Variants in UGGT2 observed in about 807,000 individuals in gnomAD.
The protein encoded by UGGT2 is UDP-glucose glycoprotein glucosyltransferase 2.
In UGGT2, 180 loss-of-function variants were observed where a neutral mutation model predicts 192.1. The ratio of observed to expected loss-of-function variants is 0.94; its 90% CI spans 0.83 to 1.06. The LOEUF (loss-of-function observed/expected upper bound fraction) is 1.06. Ranked by LOEUF, UGGT2 falls within the 50% of genes least tolerant of loss-of-function variation. UGGT2 has a pLI of 0.00. For synonymous variants in UGGT2, 580 were observed against 591.0 expected (o/e 0.98, Z 0.27); for missense variants, 1,849 against 1,795.7 (o/e 1.03, Z -0.54).
intron 24 of UGGT2, among the ~76,000 whole-genome samples, chr13:95,894,033 AT>A (rs2047878705): frequency 1.3e-5 from 2 of 151,984 alleles, no homozygotes; most frequent in East Asian, 3.9e-4. Context: ...AGCAGCAGCA[AT>A]TTTGCAGCTC....
At chr13:95,990,164 A>G (rs753412936) in intron 7 of UGGT2, 91 bp from the exon 8 acceptor site, 7 of 660,454 alleles carry the variant, frequency 1.1e-5, no homozygotes, top group Non-Finnish European at 1.7e-5. Flanking sequence ...TATTCCATGT[A>G]ATTAGACATA....
intron 38 of UGGT2, among the ~76,000 whole-genome samples, chr13:95,810,643 T>A (rs1008220385): frequency 1.3e-5 from 2 of 152,202 alleles, no homozygotes; most frequent in African/African-American, 4.8e-5. Flanking sequence ...TTTTCCAATA[T>A]GTTTGTTGAA....
intron 12 of UGGT2, among the ~76,000 whole-genome samples, chr13:95,957,570 G>C (rs1442879479): frequency 6.6e-6 from 1 of 152,204 alleles, no homozygotes; most frequent in Non-Finnish European, 1.5e-5. Flanking sequence ...GAATCTGAGA[G>C]ACAACTCAGG....
intron 10 of UGGT2, 142 bp downstream of exon 10, chr13:95,983,662 T>C: frequency 4.3e-6 from 3 of 705,074 alleles, no homozygotes; most frequent in Non-Finnish European, 7.5e-6. Context: ...GTCCACAGTA[T>C]AAAAATAGAA....
Position 95,940,004 on chromosome 13 carries a change from T to C in UGGT2, c.1765A>G (p.Ile589Val). Reference protein sequence around the residue: ...VLQNTFPHANIWDILGIHSKY... With the variant: ...VLQNTFPHANVWDILGIHSKY... ...GAATGAATTCCCAAAATATCCCAAA[T>C]ATTAGCATGAGGAAATGTATTTTGG... The change falls in exon 16 of 39, where the codon ATT (isoleucine) becomes GTT (valine). Residue 589 changes from isoleucine (I) to valine (V), a missense_variant. By Grantham distance (29) the Ile-to-Val change is conservative. Transcript: ENST00000376747. 1.2e-6 allele frequency: 2 copies of C among 1,601,872 alleles called. No individual in the cohort carries two copies. The highest frequency in any genetic ancestry group is 1.7e-6 in the Non-Finnish European group (2 of 1,175,238).
At position 95,887,815 on chromosome 13, in the gene UGGT2, T is replaced by C. The variant is rs545136811; in HGVS notation, c.3038+77A>G. The C allele has an allele frequency of 3.5e-6, 3 of 867,356 alleles. No individual in the cohort carries two copies. The South Asian group carries it at 4.8e-5, about 14-fold the overall frequency. 53.7% of individuals were successfully genotyped at this position (867,356 alleles called of 1,614,324 possible). ...CTTGTGAAGAAAAGAAAAAACCAGGTCCAGTAACAATGATTGTTTTTTTCT... is the reference window on the plus strand; with the variant it reads ...CTTGTGAAGAAAAGAAAAAACCAGGCCCAGTAACAATGATTGTTTTTTTCT... On this transcript the variant is annotated intron_variant, in intron 26 of 38. Transcript: ENST00000376747.
At chr13:95,864,853 A>T (rs1890502526) in intron 30 of UGGT2, among the ~76,000 whole-genome samples, 1 of 152,198 alleles carries the variant, frequency 6.6e-6, no homozygotes, top group South Asian at 2.1e-4. Context: ...AACATCTCCA[A>T]GAAAGGGTAT....
At chr13:95,907,805 A>G (rs1236212033) in intron 20 of UGGT2, among the ~76,000 whole-genome samples, 1 of 152,216 alleles carries the variant, frequency 6.6e-6, no homozygotes, top group Non-Finnish European at 1.5e-5. Context: ...TACAACAGAA[A>G]AGCTGAAAAT....
At chr13:95,949,293 T>C (rs746361622) in intron 13 of UGGT2, 42 bp downstream of exon 13, 8 of 1,396,726 alleles carry the variant, frequency 5.7e-6, no homozygotes, top group Non-Finnish European at 6.6e-6. Flanking sequence ...AATGCTGATA[T>C]CTTTATAAGA....
At chr13:95,964,505 A>G (rs2050503978) in intron 12 of UGGT2, among the ~76,000 whole-genome samples, 1 of 152,210 alleles carries the variant, frequency 6.6e-6, no homozygotes, top group Admixed American at 6.5e-5. Flanking sequence ...AAAAAAATCA[A>G]CAGAGTGAAG....
chr13:95,904,994 G>T (rs1046934136), intron 20 of UGGT2, among the ~76,000 whole-genome samples: 4 of 151,906 alleles, frequency 2.6e-5, no homozygotes, highest in African/African-American at 9.7e-5. Flanking sequence ...CATTCTAACT[G>T]GTGTGAGATG....
At chr13:96,036,911 T>C (rs2139181229) in intron 1 of UGGT2, among the ~76,000 whole-genome samples, 1 of 152,180 alleles carries the variant, frequency 6.6e-6, no homozygotes, top group East Asian at 1.9e-4. Flanking sequence ...CATGCCACCA[T>C]GCCCAGTTCA....
intron 2 of UGGT2, among the ~76,000 whole-genome samples, chr13:96,025,939 G>A (rs542164925): frequency 6.6e-6 from 1 of 152,206 alleles, no homozygotes; most frequent in African/African-American, 2.4e-5. Flanking sequence ...AAATAAAAAG[G>A]AGAGAAGGGA....
intron 31 of UGGT2, among the ~76,000 whole-genome samples, chr13:95,861,855 G>T (rs995414303): frequency 1.3e-5 from 2 of 149,758 alleles, no homozygotes; most frequent in African/African-American, 5.1e-5. Flanking sequence ...GATGAAAAAA[G>T]TCAAAGCATC....
chr13:95,958,468 G>A (rs971101044), intron 12 of UGGT2, among the ~76,000 whole-genome samples: 1 of 152,092 alleles, frequency 6.6e-6, no homozygotes, highest in Non-Finnish European at 1.5e-5. Flanking sequence ...GGTAGTTTAT[G>A]AGCAGGAAGG....
chr13:95,872,652 T>G (rs941459000), intron 29 of UGGT2, among the ~76,000 whole-genome samples: 4 of 152,138 alleles, frequency 2.6e-5, no homozygotes, highest in Non-Finnish European at 5.9e-5. Context: ...TGTTTATAAG[T>G]AATACAAACA....
chr13:95,907,750 C>T (rs914022685), intron 20 of UGGT2, among the ~76,000 whole-genome samples: 2 of 152,190 alleles, frequency 1.3e-5, no homozygotes, highest in Non-Finnish European at 2.9e-5. Flanking sequence ...AGGTCACCAA[C>T]ATCAAAGACC....
chr13:95,894,769 C>A, intron 23 of UGGT2, 112 bp from the exon 24 acceptor site: 1 of 830,366 alleles, frequency 1.2e-6, no homozygotes, highest in South Asian at 1.8e-5. Context: ...TTAAATCTAC[C>A]AAAGTAGACT....
Position 95,887,276 on chromosome 13 carries a change from G to A in UGGT2, c.3038+616C>T, listed in dbSNP as rs751732016. ...ATACTAGTGCAATGGTACATACCCT[G>A]TTTTCTGCCCAATGACACATGAAGG... On this transcript the variant is annotated intron_variant, in intron 26 of 38. Coordinates refer to ENST00000376747, the MANE Select transcript of UGGT2 (RefSeq NM_020121.4). 6 of 515,970 alleles carry A rather than the reference G, an allele frequency of 1.2e-5. No individual in the cohort carries two copies. The Admixed American group carries it at 1.2e-4, about 10-fold the overall frequency. 32.0% of individuals were successfully genotyped at this position (515,970 alleles called of 1,614,324 possible). A position where few individuals can be genotyped will look rare whatever the true frequency, so the allele number is the denominator to read the frequency against.
Sources: allele counts gnomAD v4.1 joint callset (sites outside exome capture counted in the v4.1 genomes callset), GRCh38; gene constraint gnomAD v4.1.1; transcripts MANE v1.5; gene names NCBI Gene and HGNC (gene_info 2026-07-23, HGNC 2026-07-21).